Variants in NOSTRIN observed in about 807,000 individuals in gnomAD.
NOSTRIN encodes BM247 homolog.
Under a neutral mutation model 59.0 loss-of-function variants are expected in NOSTRIN, and 63 were observed. That is an observed-to-expected ratio of 1.07 (90% CI 0.87 to 1.32). The LOEUF (loss-of-function observed/expected upper bound fraction) is 1.32. NOSTRIN is among the 40% of genes most tolerant of loss of function. NOSTRIN has a pLI of 0.00. For missense variants in NOSTRIN, 512 were observed against 473.1 expected (o/e 1.08, Z -0.76); for synonymous variants, 200 against 165.4 (o/e 1.21, Z -1.61).
upstream of NOSTRIN, among the ~76,000 whole-genome samples, chr2:168,801,791 A>G (rs917708769): frequency 4.6e-5 from 7 of 152,224 alleles, no homozygotes; most frequent in African/African-American, 1.7e-4. Context: ...GGAATGCAAT[A>G]GAACTCAAGC....
chr2:168,851,767 A>G (rs529261547), intron 10 of NOSTRIN, among the ~76,000 whole-genome samples: 1 of 151,824 alleles, frequency 6.6e-6, no homozygotes, highest in African/African-American at 2.4e-5. Flanking sequence ...ACCGCTCCCC[A>G]CCCCCACCAA....
Position 168,850,945 on chromosome 2 carries a change from T to C in NOSTRIN, c.631-139T>C, listed in dbSNP as rs118103537. 6.5e-3 allele frequency: 5,273 copies of C among 809,608 alleles called. 97 individuals are homozygous for C. Among genetic ancestry groups the C allele is most frequent in the East Asian group, 0.041 (1,560 of 38,194 alleles). 50.2% of individuals were successfully genotyped at this position (809,608 alleles called of 1,614,324 possible). ...TTCCTTCCTGGAAATCTCCCTCCAC[T>C]ATGGTTTGGATATGACATAGTCAAG... On this transcript the variant is annotated intron_variant, in intron 8 of 15. Coordinates refer to ENST00000317647, the MANE Select transcript of NOSTRIN (RefSeq NM_001039724.4).
chr2:168,856,845 T>A, intron 12 of NOSTRIN, 67 bp downstream of exon 12: 1 of 1,466,828 alleles, frequency 6.8e-7, no homozygotes, highest in South Asian at 1.2e-5. Context: ...AATACTTGTT[T>A]CTGGTCCACT....
At chr2:168,813,081 G>A (rs1051278002) in intron 2 of NOSTRIN, among the ~76,000 whole-genome samples, 13 of 152,172 alleles carry the variant, frequency 8.5e-5, no homozygotes, top group Non-Finnish European at 5.9e-5. Flanking sequence ...CAGAGAAAGC[G>A]GGAGGTGCCA....
intron 8 of NOSTRIN, among the ~76,000 whole-genome samples, chr2:168,844,607 A>T (rs1331378809): frequency 6.6e-6 from 1 of 152,146 alleles, no homozygotes; most frequent in East Asian, 1.9e-4. Flanking sequence ...CCTGGGCGGC[A>T]CGCCTGTAAT....
rs1266967749 is a variant in NOSTRIN, at chr2:168,843,891, G to A, written c.630+774G>A. ...TTTGTACTCCAAGAGTGATGCACAA[G>A]AATGTTTATGGGAGAATTGTTTATA... On this transcript the variant is annotated intron_variant, in intron 8 of 15. Transcript: ENST00000317647. Among the ~76,000 whole-genome samples the A allele has an allele frequency of 5.9e-5, 9 of 152,306 alleles. No homozygotes were observed. The Middle Eastern group carries it at 0.01, about 173-fold the overall frequency.
upstream of NOSTRIN, among the ~76,000 whole-genome samples, chr2:168,797,085 T>TTTTTTTTTTTTTTTTTTTTTTTTTTTG (rs1559099091): frequency 1.1e-5 from 1 of 94,144 alleles, no homozygotes; most frequent in African/African-American, 5.0e-5. Flanking sequence ...TTTTCTTTTT[T>TTTTTTTTTTTTTTTTTTTTTTTTTTTG]TTTTTTTTTT....
intron 2 of NOSTRIN, among the ~76,000 whole-genome samples, chr2:168,823,296 G>T (rs781000922): frequency 2.6e-5 from 4 of 152,342 alleles, no homozygotes; most frequent in Admixed American, 6.5e-5. Context: ...GATTACAGGC[G>T]TGAGCCACCG....
chr2:168,804,839 C>T (rs1463416358), intron 1 of NOSTRIN, among the ~76,000 whole-genome samples: 1 of 152,068 alleles, frequency 6.6e-6, no homozygotes, highest in African/African-American at 2.4e-5. Context: ...GCAACAAGCC[C>T]CAATACTATT....
rs779788109 is a variant in NOSTRIN at position 168,851,213 on chromosome 2, A to G, written c.729+31A>G. The G allele has an allele frequency of 2.3e-5, 37 of 1,614,138 alleles. 1 individual carries two copies. Among genetic ancestry groups the G allele is most frequent in the South Asian group, 1.4e-4 (13 of 91,032 alleles). ...TAGAGATGATCTCTCCATTTCTGGT[A>G]TGCCTGGTAAGAAGGGGCAGAAACC... On this transcript the variant is annotated intron_variant, in intron 9 of 15. Transcript: ENST00000317647.
chr2:168,791,417 A>G (rs1345502380), intron 2 of NOSTRIN, among the ~76,000 whole-genome samples: 2 of 152,132 alleles, frequency 1.3e-5, no homozygotes, highest in Non-Finnish European at 2.9e-5. Context: ...GTTGGTTCCA[A>G]GTCTTTGCTA....
chr2:168,829,408 C>A (rs1003217735), intron 5 of NOSTRIN, among the ~76,000 whole-genome samples: 1 of 152,020 alleles, frequency 6.6e-6, no homozygotes, highest in African/African-American at 2.4e-5. Context: ...GCAACCTCCA[C>A]CTCCTGGGTT....
chr2:168,854,024 C>A (rs561051364), intron 10 of NOSTRIN, among the ~76,000 whole-genome samples: 104 of 152,242 alleles, frequency 6.8e-4, no homozygotes, highest in Non-Finnish European at 4.3e-4. Context: ...CACACCACCA[C>A]GCCCGGCTAA....
chr2:168,820,463 G>T (rs532181907), intron 2 of NOSTRIN, among the ~76,000 whole-genome samples: 1 of 152,132 alleles, frequency 6.6e-6, no homozygotes, highest in Non-Finnish European at 1.5e-5. Flanking sequence ...ATGTCACAAA[G>T]GTAAGGCAAC....
At chr2:168,838,953 T>G (rs567594053) in intron 7 of NOSTRIN, among the ~76,000 whole-genome samples, 19 of 151,760 alleles carry the variant, frequency 1.3e-4, no homozygotes, top group Non-Finnish European at 2.4e-4. Context: ...CCAGCTAATT[T>G]TTTGTATTTT....
chr2:168,827,628 C>G (rs996262769), intron 3 of NOSTRIN, among the ~76,000 whole-genome samples: 1 of 152,008 alleles, frequency 6.6e-6, no homozygotes, highest in Non-Finnish European at 1.5e-5. Flanking sequence ...GGCTGGAGTA[C>G]AGTGGCATGA....
intron 12 of NOSTRIN, 79 bp from the exon 13 acceptor site, chr2:168,859,433 A>G: frequency 1.3e-6 from 2 of 1,564,932 alleles, no homozygotes; most frequent in South Asian, 1.2e-5. Context: ...TGTTATTTTG[A>G]AAGTTATTCT....
chr2:168,854,392 C>T (rs971219425), intron 10 of NOSTRIN, among the ~76,000 whole-genome samples: 2 of 152,164 alleles, frequency 1.3e-5, no homozygotes, highest in South Asian at 2.1e-4. Flanking sequence ...ATTAGTTTCC[C>T]GTCTTTCTCC....
intron 10 of NOSTRIN, 40 bp from the exon 11 acceptor site, chr2:168,855,312 C>T: frequency 9.3e-7 from 1 of 1,073,670 alleles, no homozygotes; most frequent in Non-Finnish European, 1.4e-6. Context: ...GCAACTCTTA[C>T]TTCTTCCCCC....
Sources: allele counts gnomAD v4.1 joint callset (sites outside exome capture counted in the v4.1 genomes callset), GRCh38; gene constraint gnomAD v4.1.1; transcripts MANE v1.5; gene names NCBI Gene and HGNC (gene_info 2026-07-23, HGNC 2026-07-21).